PCMT1: variants seen among roughly 807,000 people sequenced by gnomAD.
The protein encoded by PCMT1 is protein-L-isoaspartate (D-aspartate) O-methyltransferase.
A neutral mutation model predicts 29.2 loss-of-function variants in PCMT1; 9 were observed. The observed-to-expected ratio is 0.31, with a 90% CI of 0.19 to 0.54. PCMT1 has a LOEUF of 0.54. Among genes scored for constraint, PCMT1 ranks in the 20% least tolerant of loss-of-function variants. The pLI is 0.95. For synonymous variants in PCMT1, 98 were observed against 97.5 expected, an observed-to-expected ratio of 1.00 and a Z score of -0.03; for missense variants, 184 against 282.2, an observed-to-expected ratio of 0.65 and a Z score of 2.49.
At position 149,760,141 on chromosome 6, in the gene PCMT1, CTTTGCTGCTTAGGCTTCTT is replaced by C. The variant is rs1487850290; in HGVS notation, c.55+10186_55+10204del. ...TAGTGTACTGATTTCTGTTATGTCACTTTGCTGCTTAGGCTTCTTAATGCTTACTGTATCAGGTGTAAAC... is the reference window on the plus strand; with the variant it reads ...TAGTGTACTGATTTCTGTTATGTCACAATGCTTACTGTATCAGGTGTAAAC... On this transcript the variant is annotated intron_variant, in intron 1 of 7. Transcript: ENST00000464889. Among the ~76,000 whole-genome samples, 6 of 152,244 alleles carry C rather than the reference CTTTGCTGCTTAGGCTTCTT, an allele frequency of 3.9e-5. No individual in the cohort carries two copies. The East Asian group carries it at 1.2e-3, about 29-fold the overall frequency.
chr6:149,785,797 A>T (rs1374412756), intron 3 of PCMT1, among the ~76,000 whole-genome samples: 1 of 152,120 alleles, frequency 6.6e-6, no homozygotes, highest in Admixed American at 6.5e-5. Context: ...AAAGTCTCCC[A>T]TGTCTACTTC....
intron 4 of PCMT1, 137 bp from the exon 5 acceptor site, chr6:149,793,412 T>C (rs1283654729): frequency 1.3e-5 from 7 of 553,478 alleles, no homozygotes; most frequent in Admixed American, 4.4e-5. Context: ...AACTGAGTGT[T>C]TAGCAATCTA....
At chr6:149,794,091 T>C (rs1788496463) in intron 5 of PCMT1, among the ~76,000 whole-genome samples, 1 of 152,216 alleles carries the variant, frequency 6.6e-6, no homozygotes, top group Non-Finnish European at 1.5e-5. Context: ...TTTAATGTAG[T>C]CAGACTTACC....
Position 149,777,113 on chromosome 6 carries a change from A to G in PCMT1, c.192+3944A>G, listed in dbSNP as rs191367756. Among the ~76,000 whole-genome samples the G allele has an allele frequency of 2.3e-4, 35 of 152,328 alleles. No individual in the cohort carries two copies. In the East Asian group the frequency reaches 6.5e-3, roughly 28 times the overall value. On this transcript the variant is annotated intron_variant, in intron 3 of 7. Coordinates refer to ENST00000464889, the MANE Select transcript of PCMT1 (RefSeq NM_001360452.2). Reference sequence around the variant, plus strand: ...GGGGGTATGTCCTGGTAAACCCATCATAAGTTGAAAATACTGTAACTCTAA... The same window carrying G: ...GGGGGTATGTCCTGGTAAACCCATCGTAAGTTGAAAATACTGTAACTCTAA...
intron 3 of PCMT1, among the ~76,000 whole-genome samples, chr6:149,785,902 C>T (rs1282839684): frequency 2.6e-5 from 4 of 152,204 alleles, no homozygotes; most frequent in African/African-American, 7.2e-5. Context: ...CATCCTGGCC[C>T]GTTCTCAATG....
rs368503624 is a variant in PCMT1 at position 149,751,096 on chromosome 6, T to C, written c.55+1140T>C. On this transcript the variant is annotated intron_variant, in intron 1 of 7. Transcript: ENST00000464889. Reference sequence around the variant, plus strand: ...CTTTGGGAGGCCGAGGCGGGTGGATTACCTGAGTTCAGGAGTTCGAGACCA... The same window carrying C: ...CTTTGGGAGGCCGAGGCGGGTGGATCACCTGAGTTCAGGAGTTCGAGACCA... Among the ~76,000 whole-genome samples, 238 of 152,228 alleles carry C rather than the reference T, an allele frequency of 1.6e-3. 1 individual carries two copies. The highest frequency in any genetic ancestry group is 5.4e-3 in the African/African-American group (224 of 41,554).
chr6:149,778,630 T>C (rs1787678876), intron 3 of PCMT1, among the ~76,000 whole-genome samples: 1 of 152,060 alleles, frequency 6.6e-6, no homozygotes. Flanking sequence ...CGAGACCTGC[T>C]GAGCTTAAAA....
intron 7 of PCMT1, among the ~76,000 whole-genome samples, chr6:149,807,818 G>A (rs1308205731): frequency 6.6e-6 from 1 of 152,174 alleles, no homozygotes; most frequent in Non-Finnish European, 1.5e-5. Flanking sequence ...AAAGATGTTA[G>A]GAATTGACTG....
In PCMT1 at chr6:149,786,424, A is replaced by G. The variant is rs1164602574; in HGVS notation, c.193-3530A>G. On this transcript the variant is annotated intron_variant, in intron 3 of 7. Transcript: ENST00000464889. Reference sequence around the variant, plus strand: ...CTGGCCGGGCGGGGGCTGACCCCCCACCTCCCTCCCGGACGGGGTGGCTGC... The same window carrying G: ...CTGGCCGGGCGGGGGCTGACCCCCCGCCTCCCTCCCGGACGGGGTGGCTGC... Among the ~76,000 whole-genome samples the G allele has an allele frequency of 3.1e-4, 36 of 117,292 alleles. 5 individuals carry two copies. Among genetic ancestry groups the G allele is most frequent in the Non-Finnish European group, 5.2e-5 (3 of 58,030 alleles). The allele number at this position is 117,292 out of a possible 152,430, so 76.9% of individuals were successfully genotyped here.
intron 1 of PCMT1, among the ~76,000 whole-genome samples, chr6:149,769,442 T>C (rs1433636919): frequency 6.7e-6 from 1 of 150,038 alleles, no homozygotes; most frequent in Non-Finnish European, 1.5e-5. Context: ...GCCTCCTGAG[T>C]AGCTGGGATT....
intron 3 of PCMT1, among the ~76,000 whole-genome samples, chr6:149,779,128 T>C (rs1454310648): frequency 1.3e-5 from 2 of 152,134 alleles, no homozygotes; most frequent in Non-Finnish European, 2.9e-5. Flanking sequence ...GGCTTATCTG[T>C]GTTCCATCGT....
chr6:149,764,251 C>G (rs1003023856), intron 1 of PCMT1, among the ~76,000 whole-genome samples: 6 of 152,114 alleles, frequency 3.9e-5, no homozygotes, highest in Non-Finnish European at 7.4e-5. Context: ...AACCCTACCC[C>G]TTATTTGCTC....
intron 1 of PCMT1, chr6:149,765,635 C>T (rs1205460516): frequency 5.5e-6 from 2 of 366,226 alleles, no homozygotes; most frequent in Non-Finnish European, 1.0e-5. Context: ...TTTATAGTGT[C>T]GTTAATTGAC....
intron 4 of PCMT1, among the ~76,000 whole-genome samples, chr6:149,793,024 A>G (rs1008151804): frequency 8.5e-5 from 13 of 152,090 alleles, no homozygotes; most frequent in African/African-American, 2.4e-4. Context: ...TTAGCTGGGC[A>G]TGGTGGCGGG....
chr6:149,768,408 C>G (rs182320787), intron 1 of PCMT1, among the ~76,000 whole-genome samples: 2,274 of 139,238 alleles, frequency 0.016, 64 homozygotes, highest in African/African-American at 0.056. Flanking sequence ...TTTTAAAATT[C>G]TTATTATAAT....
At position 149,787,843 on chromosome 6, in the gene PCMT1, GTA is replaced by G. The variant is rs1352729274; in HGVS notation, c.193-2109_193-2108del. On this transcript the variant is annotated intron_variant, in intron 3 of 7. Transcript: ENST00000464889. ...CTCCTCTGTGTGTGTGTGTGTGTGTGTATGTGTGTGTATTATATTTCCGTTTT... is the reference window on the plus strand; with the variant it reads ...CTCCTCTGTGTGTGTGTGTGTGTGTGTGTGTGTGTATTATATTTCCGTTTT... Among the ~76,000 whole-genome samples, 469 of 142,586 alleles carry G rather than the reference GTA, an allele frequency of 3.3e-3. 2 individuals carry two copies. Among genetic ancestry groups the G allele is most frequent in the African/African-American group, 0.012 (447 of 36,938 alleles). The allele number at this position is 142,586 out of a possible 152,430, so 93.5% of individuals were successfully genotyped here.
At chr6:149,809,258 C>CAAAAAAAA (rs1209712068) in intron 7 of PCMT1, among the ~76,000 whole-genome samples, 15 of 47,078 alleles carry the variant, frequency 3.2e-4, no homozygotes, top group African/African-American at 1.2e-3. Flanking sequence ...GACTCTGTCT[C>CAAAAAAAA]AAAAAAAAAA....
At chr6:149,771,954 A>C in intron 2 of PCMT1, 1 of 456,352 alleles carries the variant, frequency 2.2e-6, no homozygotes, top group Non-Finnish European at 4.4e-6. Flanking sequence ...AGTGTGCTTA[A>C]GTTATTAATG....
chr6:149,810,601 C>CT lies in PCMT1; in HGVS notation c.*38-9dup. Reference sequence around the variant, plus strand: ...GTAACTCCTACTAATGTATTTCTCTCTTTTTTCCTCACAGGGATGAATTGT... The same window carrying CT: ...GTAACTCCTACTAATGTATTTCTCTCTTTTTTTCCTCACAGGGATGAATTGT... On this transcript the variant is annotated splice_polypyrimidine_tract_variant and intron_variant, in intron 7 of 7. Transcript: ENST00000464889. 6.5e-7 allele frequency: 1 copy of CT among 1,546,098 alleles called. No homozygotes were observed. Among genetic ancestry groups the CT allele is most frequent in the Non-Finnish European group, 8.7e-7 (1 of 1,143,372 alleles).
Sources: gnomAD v4.1 joint callset for allele counts (sites outside exome capture counted in the v4.1 genomes callset) on GRCh38, gnomAD v4.1.1 for gene constraint, MANE v1.5 for transcripts, NCBI Gene and HGNC (gene_info 2026-07-23, HGNC 2026-07-21) for gene names.